The following CTSH variants were observed in gnomAD, a reference collection of about 807,000 sequenced individuals.
CTSH encodes pro-cathepsin H.
CTSH carries 52 observed loss-of-function variants against 56.3 expected under a neutral mutation model. The ratio of observed to expected loss-of-function variants is 0.92; its 90% CI spans 0.74 to 1.16. The LOEUF is 1.16. Ranked by LOEUF, CTSH falls within the 50% of genes most tolerant of loss-of-function variation. The probability of loss-of-function intolerance (pLI) is 0.00; values close to 1 mark genes in which losing one functional copy is unlikely to be tolerated. For synonymous variants in CTSH, 174 were observed against 155.7 expected (o/e 1.12, Z -0.88); for missense variants, 406 against 424.5 (o/e 0.96, Z 0.38).
chr15:78,929,720 A>G (rs1043988462), intron 7 of CTSH, among the ~76,000 whole-genome samples: 6 of 152,160 alleles, frequency 3.9e-5, no homozygotes, highest in Non-Finnish European at 5.9e-5. Context: ...TCAGTGGGAT[A>G]GAGACCCCTT....
At chr15:78,944,817 C>A (rs1424250426) in intron 1 of CTSH, 74 bp downstream of exon 1, 1 of 1,482,792 alleles carries the variant, frequency 6.7e-7, no homozygotes, top group Non-Finnish European at 9.0e-7. Flanking sequence ...GCCCAGTGCG[C>A]CCCTGGCCAA....
intron 8 of CTSH, among the ~76,000 whole-genome samples, chr15:78,929,134 G>C (rs1044257254): frequency 1.3e-5 from 2 of 152,102 alleles, no homozygotes; most frequent in Non-Finnish European, 2.9e-5. Flanking sequence ...GGGCAGGTGG[G>C]GGGAAGGAGG....
chr15:78,931,638 A>G, intron 6 of CTSH, 132 bp from the exon 7 acceptor site: 2 of 1,543,314 alleles, frequency 1.3e-6, no homozygotes, highest in Admixed American at 2.0e-5. Context: ...CCAAATTATA[A>G]ACTCCCCAAG....
At chr15:78,939,234 G>C in intron 1 of CTSH, 63 bp from the exon 2 acceptor site, 1 of 1,363,826 alleles carries the variant, frequency 7.3e-7, no homozygotes, top group Non-Finnish European at 1.0e-6. Flanking sequence ...CTATAGCAAA[G>C]TAGGGCACTT....
At chr15:78,925,087 G>A (rs1457884320) in intron 10 of CTSH, among the ~76,000 whole-genome samples, 1 of 152,162 alleles carries the variant, frequency 6.6e-6, no homozygotes, top group African/African-American at 2.4e-5. Flanking sequence ...TAGCCAGGTG[G>A]CCTGTGTCTG....
chr15:78,933,669 A>T (rs2055114026), intron 5 of CTSH: 2 of 323,384 alleles, frequency 6.2e-6, no homozygotes, highest in Non-Finnish European at 1.3e-5. Context: ...AGCTCGGCTG[A>T]CCCTTGGGTG....
At chr15:78,924,101 G>A (rs866314847) in intron 10 of CTSH, among the ~76,000 whole-genome samples, 3 of 136,276 alleles carry the variant, frequency 2.2e-5, no homozygotes, top group African/African-American at 5.5e-5. Flanking sequence ...CCCAGCGGGG[G>A]GGGGGGGGAG....
chr15:78,941,289 G>A (rs977985118), intron 1 of CTSH, among the ~76,000 whole-genome samples: 7 of 151,710 alleles, frequency 4.6e-5, no homozygotes, highest in Middle Eastern at 3.4e-3. Context: ...GCCAGACGTG[G>A]TGGCATGCAC....
intron 10 of CTSH, among the ~76,000 whole-genome samples, chr15:78,924,517 T>C (rs1045871198): frequency 6.6e-6 from 1 of 151,606 alleles, no homozygotes; most frequent in Non-Finnish European, 1.5e-5. Context: ...GGGAGGGAAA[T>C]GAGGCTGCAA....
At chr15:78,940,801 A>G (rs2141555830) in intron 1 of CTSH, among the ~76,000 whole-genome samples, 2 of 152,238 alleles carry the variant, frequency 1.3e-5, no homozygotes, top group South Asian at 4.1e-4. Context: ...TCCACTAAAA[A>G]TACAAAAATT....
At chr15:78,928,836 G>A (rs1322262288) in intron 8 of CTSH, among the ~76,000 whole-genome samples, 1 of 152,194 alleles carries the variant, frequency 6.6e-6, no homozygotes. Context: ...GGGTGGGGTG[G>A]AGAGGGGGAC....
intron 5 of CTSH, among the ~76,000 whole-genome samples, chr15:78,934,563 C>T (rs1189814610): frequency 6.6e-6 from 1 of 152,244 alleles, no homozygotes; most frequent in Non-Finnish European, 1.5e-5. Flanking sequence ...GACACATGGA[C>T]TAACCAGAGG....
rs771438371 is a variant in CTSH at position 78,921,191 on chromosome 15, G to C, written c.*939C>G. The C allele has an allele frequency of 1.3e-4, 20 of 152,090 alleles. No homozygotes were observed. Among genetic ancestry groups the C allele is most frequent in the Non-Finnish European group, 2.1e-4 (14 of 68,030 alleles). 9.4% of individuals were successfully genotyped at this position (152,090 alleles called of 1,614,324 possible). On this transcript the variant is annotated 3_prime_UTR_variant, in exon 12 of 12. Coordinates refer to ENST00000220166, the MANE Select transcript of CTSH (RefSeq NM_004390.5). The stretch of plus-strand genomic sequence containing the variant: ...GATGACAGCTTTTATCATTAAGAAA[G>C]TCTGTGAGCCATAGGACAAAGAGCT...
At position 78,922,142 on chromosome 15, in the gene CTSH, G is replaced by A. The variant is rs780860094; in HGVS notation, c.996C>T (p.Ile332=). 6.4e-7 allele frequency: 1 copy of A among 1,574,276 alleles called. No homozygotes were observed. The highest frequency in any genetic ancestry group is 1.2e-5 in the South Asian group (1 of 85,766). ...CGGCTGCCACGGCTCACACCAGAGGGATGGGGTAGGAGGCGCAGGCAGCCA... is the reference window on the plus strand; with the variant it reads ...CGGCTGCCACGGCTCACACCAGAGGAATGGGGTAGGAGGCGCAGGCAGCCA... The part of the protein sequence containing the change: ...CGLAACASYP[I]PLV Residue 332 remains isoleucine (I), a synonymous_variant, in exon 12 of 12, where the codon ATC becomes ATT. Coordinates refer to ENST00000220166, the MANE Select transcript of CTSH (RefSeq NM_004390.5).
chr15:78,922,696 T>C (rs1002967522), intron 11 of CTSH, among the ~76,000 whole-genome samples: 1 of 152,182 alleles, frequency 6.6e-6, no homozygotes, highest in Non-Finnish European at 1.5e-5. Context: ...CAGACACTGA[T>C]TTCGTGCCAG....
At position 78,944,981 on chromosome 15, in the gene CTSH, T is replaced by TAG; in HGVS notation, c.-1_1insCT. On this transcript the variant is annotated 5_prime_UTR_variant, in exon 1 of 12. Coordinates refer to ENST00000220166, the MANE Select transcript of CTSH (RefSeq NM_004390.5). ...CAGAGCAGCGGCAGCGTGGCCCACATCGCAGCGCTGGCGGCTTGGCTCTTG... is the reference window on the plus strand; with the variant it reads ...CAGAGCAGCGGCAGCGTGGCCCACATAGCGCAGCGCTGGCGGCTTGGCTCTTG... 6.5e-7 allele frequency: 1 copy of TAG among 1,539,874 alleles called. No individual in the cohort carries two copies. Among genetic ancestry groups the TAG allele is most frequent in the Non-Finnish European group, 8.7e-7 (1 of 1,143,512 alleles).
intron 11 of CTSH, 69 bp downstream of exon 11, chr15:78,922,924 T>G (rs1596265272): frequency 6.5e-7 from 1 of 1,530,250 alleles, no homozygotes; most frequent in Non-Finnish European, 8.7e-7. Flanking sequence ...GAGGTGGAAG[T>G]GATGCCCCCA....
chr15:78,934,716 C>CA (rs1438555285), intron 5 of CTSH: 1 of 519,152 alleles, frequency 1.9e-6, no homozygotes, highest in Non-Finnish European at 3.5e-6. Flanking sequence ...GACCTGGGAC[C>CA]AATGGGAAAA....
At chr15:78,937,263 G>C (rs2055195407) in intron 3 of CTSH, 55 bp downstream of exon 3, 1 of 1,494,050 alleles carries the variant, frequency 6.7e-7, no homozygotes, top group Non-Finnish European at 9.3e-7. Context: ...GCCCTTTCAT[G>C]GGCTGGGTCA....
Sources: allele counts gnomAD v4.1 joint callset (sites outside exome capture counted in the v4.1 genomes callset), GRCh38; gene constraint gnomAD v4.1.1; transcripts MANE v1.5; gene names NCBI Gene and HGNC (gene_info 2026-07-23, HGNC 2026-07-21).